The following HNRNPM variants were observed in gnomAD, a reference collection of about 807,000 sequenced individuals.
HNRNPM encodes the protein heterogeneous nuclear ribonucleoprotein M.
Under a neutral mutation model 73.1 loss-of-function variants are expected in HNRNPM, and 11 were observed. That is an observed-to-expected ratio of 0.15 (90% CI 0.09 to 0.25). HNRNPM has a LOEUF of 0.25. Ranked by LOEUF, HNRNPM falls within the 10% of genes least tolerant of loss-of-function variation. The probability of loss-of-function intolerance (pLI) is 1.00; values close to 1 mark genes in which losing one functional copy is unlikely to be tolerated. For missense variants in HNRNPM, 789 were observed against 1,067.9 expected, an observed-to-expected ratio of 0.74 and a Z score of 3.64; for synonymous variants, 407 against 355.2, an observed-to-expected ratio of 1.15 and a Z score of -1.64.
chr19:8,466,559 G>C (rs1226318129), intron 7 of HNRNPM, among the ~76,000 whole-genome samples, 171 bp downstream of exon 7: 1 of 152,114 alleles, frequency 6.6e-6, no homozygotes, highest in Non-Finnish European at 1.5e-5. Flanking sequence ...CGGTCACGGT[G>C]GCTCACGCCT....
At chr19:8,479,078 CTTTTTTTTTTTTTT>C (rs74176651) in intron 12 of HNRNPM, among the ~76,000 whole-genome samples, 1 of 73,834 alleles carries the variant, frequency 1.4e-5, no homozygotes, top group East Asian at 4.3e-4. Flanking sequence ...TTCTTTCTTT[CTTTTTTTTTTTTTT>C]TTTTTTTTTT....
chr19:8,450,511 G>A lies in HNRNPM; in HGVS notation c.114-4894G>A, dbSNP rs1968531481. Among the ~76,000 whole-genome samples the A allele has an allele frequency of 3.3e-5, 5 of 151,796 alleles. No individual in the cohort carries two copies. In the South Asian group the frequency reaches 1.0e-3, roughly 32 times the overall value. On this transcript the variant is annotated intron_variant, in intron 1 of 15. Transcript: ENST00000325495. ...CTGCAACTCCAGCTCCTGGGCTCAA[G>A]CGATCCTTCCACCTCAGCCTTCTGA... is the stretch of plus-strand genomic sequence containing the variant.
At chr19:8,471,871 AG>A (rs901038888) in intron 10 of HNRNPM, among the ~76,000 whole-genome samples, 16 of 152,100 alleles carry the variant, frequency 1.1e-4, no homozygotes, top group Non-Finnish European at 2.2e-4. Context: ...GGGCATTGAT[AG>A]ATGCAAAAAA....
At chr19:8,482,085 G>A (rs754636317) in intron 12 of HNRNPM, among the ~76,000 whole-genome samples, 93 of 147,436 alleles carry the variant, frequency 6.3e-4, no homozygotes, top group Non-Finnish European at 9.5e-4. Context: ...CGATTCTCCC[G>A]CCTCAGCCTC....
At chr19:8,470,635 G>T (rs915108224) in intron 9 of HNRNPM, among the ~76,000 whole-genome samples, 1 of 152,018 alleles carries the variant, frequency 6.6e-6, no homozygotes, top group Non-Finnish European at 1.5e-5. Context: ...CCCTTGTTAC[G>T]ATTTTTAAAA....
chr19:8,460,767 A>AT (rs1969345500), intron 2 of HNRNPM, among the ~76,000 whole-genome samples: 6 of 152,136 alleles, frequency 3.9e-5, no homozygotes, highest in Admixed American at 3.3e-4. Flanking sequence ...TGAGTCTTTT[A>AT]TTTTTTAAAG....
chr19:8,486,967 C>A (rs367566072), intron 14 of HNRNPM, 57 bp from the exon 15 acceptor site: 1 of 1,358,780 alleles, frequency 7.4e-7, no homozygotes, highest in East Asian at 2.3e-5. Context: ...AGCTGCAAGG[C>A]ATGCCTTAGG....
intron 12 of HNRNPM, among the ~76,000 whole-genome samples, chr19:8,479,085 T>G (rs1381152646): frequency 9.4e-6 from 1 of 106,618 alleles, no homozygotes; most frequent in African/African-American, 3.9e-5. Flanking sequence ...TTTCTTTTTT[T>G]TTTTTTTTTT....
intron 12 of HNRNPM, among the ~76,000 whole-genome samples, chr19:8,481,766 T>C (rs1323129379): frequency 6.6e-6 from 1 of 152,068 alleles, no homozygotes; most frequent in African/African-American, 2.4e-5. Context: ...ACAAGCTTGG[T>C]CTAGGTGCTG....
chr19:8,483,361 C>G, intron 13 of HNRNPM, 150 bp downstream of exon 13: 4 of 677,120 alleles, frequency 5.9e-6, no homozygotes, highest in Non-Finnish European at 1.1e-5. Context: ...TGACGTTTGG[C>G]AAGTCACTGA....
chr19:8,480,728 G>A (rs1970857877), intron 12 of HNRNPM, among the ~76,000 whole-genome samples: 1 of 151,942 alleles, frequency 6.6e-6, no homozygotes, highest in African/African-American at 2.4e-5. Context: ...AGAGCCTTCA[G>A]CTTCTTGCCA....
intron 1 of HNRNPM, among the ~76,000 whole-genome samples, chr19:8,454,683 C>CG (rs1568263019): frequency 6.4e-5 from 8 of 124,272 alleles, no homozygotes; most frequent in Non-Finnish European, 1.8e-5. Context: ...GCCCCCCCCC[C>CG]CTTTTTTTTT....
intron 1 of HNRNPM, among the ~76,000 whole-genome samples, chr19:8,450,050 CAGAA>C (rs1968497036): frequency 6.6e-6 from 1 of 152,146 alleles, no homozygotes; most frequent in South Asian, 2.1e-4. Flanking sequence ...GCGCTAGAGA[CAGAA>C]AGAGCTTGAG....
At chr19:8,446,303 C>T (rs1213873192) in intron 1 of HNRNPM, among the ~76,000 whole-genome samples, 1 of 152,210 alleles carries the variant, frequency 6.6e-6, no homozygotes, top group Non-Finnish European at 1.5e-5. Context: ...TAAATACTAA[C>T]TCCCTCCGTT....
Position 8,480,398 on chromosome 19 carries a change from GTGGATAGCTA to G in HNRNPM, c.1121-2756_1121-2747del, listed in dbSNP as rs1432419800. On this transcript the variant is annotated intron_variant, in intron 12 of 15. Coordinates refer to ENST00000325495, the MANE Select transcript of HNRNPM (RefSeq NM_005968.5). Reference sequence around the variant, plus strand: ...GTCATTTGCCTGCAAATACTAATTTGTGGATAGCTATGGCAAGAATAGATGGCATGTGGCT... The same window carrying G: ...GTCATTTGCCTGCAAATACTAATTTGTGGCAAGAATAGATGGCATGTGGCT... 2.0e-5 allele frequency among the ~76,000 whole-genome samples: 3 copies of G among 147,130 alleles called. No homozygotes were observed. In the South Asian group the frequency reaches 6.5e-4, roughly 32 times the overall value.
intron 9 of HNRNPM, among the ~76,000 whole-genome samples, 199 bp downstream of exon 9, chr19:8,469,033 A>G (rs747355878): frequency 3.3e-5 from 5 of 152,110 alleles, no homozygotes; most frequent in Non-Finnish European, 7.4e-5. Flanking sequence ...CCTCATGGTA[A>G]TCCTAGGATT....
chr19:8,471,779 C>T (rs1970156905), intron 10 of HNRNPM, among the ~76,000 whole-genome samples: 1 of 152,180 alleles, frequency 6.6e-6, no homozygotes, highest in Non-Finnish European at 1.5e-5. Flanking sequence ...GACCATAGCA[C>T]TGCCGCAGTG....
intron 3 of HNRNPM, among the ~76,000 whole-genome samples, chr19:8,463,159 T>C (rs886555261): frequency 6.6e-6 from 1 of 152,166 alleles, no homozygotes; most frequent in Admixed American, 6.5e-5. Flanking sequence ...AGGAGGAATA[T>C]GGTAAGGACT....
At chr19:8,447,974 C>T (rs749606198) in intron 1 of HNRNPM, among the ~76,000 whole-genome samples, 7 of 151,976 alleles carry the variant, frequency 4.6e-5, no homozygotes, top group East Asian at 1.9e-4. Context: ...TGCAGTGAGC[C>T]GAGATTGGGC....
Sources: gnomAD v4.1 joint callset for allele counts (sites outside exome capture counted in the v4.1 genomes callset) on GRCh38, gnomAD v4.1.1 for gene constraint, MANE v1.5 for transcripts, NCBI Gene and HGNC (gene_info 2026-07-23, HGNC 2026-07-21) for gene names.